Variants in AFF3 observed in about 807,000 individuals in gnomAD.
AFF3 encodes the protein ALF transcription elongation factor 3.
A neutral mutation model predicts 129.7 loss-of-function variants in AFF3; 32 were observed. The observed-to-expected ratio is 0.25, with a 90% CI of 0.19 to 0.33. The LOEUF (loss-of-function observed/expected upper bound fraction) is 0.33, where lower values mean the gene tolerates loss of function less well. Among genes scored for constraint, AFF3 ranks in the 10% least tolerant of loss-of-function variants. The pLI is 1.00. For missense variants in AFF3, 1,373 were observed against 1,592.0 expected (o/e 0.86, Z 2.34); for synonymous variants, 644 against 635.4 (o/e 1.01, Z -0.20).
chr2:99,744,230 A>G, intron 9 of AFF3, 90 bp from the exon 10 acceptor site: 3 of 1,135,918 alleles, frequency 2.6e-6, no homozygotes, highest in Admixed American at 2.1e-5. Context: ...CTGGTCATTC[A>G]GAACCGATTC....
chr2:99,863,022 G>A (rs960558252), intron 7 of AFF3, among the ~76,000 whole-genome samples: 1 of 152,260 alleles, frequency 6.6e-6, no homozygotes, highest in Non-Finnish European at 1.5e-5. Context: ...CTCAGTGGAT[G>A]TGTTTCCTGC....
chr2:99,605,491 C>T (rs1420752824), intron 13 of AFF3, among the ~76,000 whole-genome samples: 1 of 152,196 alleles, frequency 6.6e-6, no homozygotes, highest in Non-Finnish European at 1.5e-5. Context: ...CTAACCCATC[C>T]TTGCATGGGG....
chr2:99,565,504 T>C lies in AFF3; in HGVS notation c.3102A>G (p.Glu1034=), dbSNP rs1430422902. 6.2e-7 allele frequency: 1 copy of C among 1,614,096 alleles called. No individual in the cohort carries two copies. The highest frequency in any genetic ancestry group is 2.2e-5 in the East Asian group (1 of 44,896). The change falls in exon 20 of 25, where the codon GAA becomes GAG. Residue 1034 remains glutamate, a synonymous_variant. Coordinates refer to ENST00000672756, the MANE Select transcript of AFF3 (RefSeq NM_001386135.1). ...GTGCTTACCTGATGAGCTCTACTGT[T>C]TCTGAATACATCGTATAAGGAGATT... The part of the protein sequence containing the change: ...ESKSPYTMYS[E]TVELIRYAMR...
intron 7 of AFF3, among the ~76,000 whole-genome samples, chr2:99,918,206 CTGATTA>C (rs1268652790): frequency 2.0e-5 from 3 of 152,072 alleles, no homozygotes; most frequent in Non-Finnish European, 4.4e-5. Context: ...TGTATATCTT[CTGATTA>C]TAAGAATGGT....
chr2:99,583,627 C>T (rs6756384), intron 16 of AFF3, among the ~76,000 whole-genome samples: 34,342 of 152,060 alleles, frequency 0.23, 4,380 homozygotes, highest in African/African-American at 0.35. Flanking sequence ...CAAGGTGCCT[C>T]GGCCTCCCAA....
intron 12 of AFF3, among the ~76,000 whole-genome samples, chr2:99,661,456 C>T (rs964537835): frequency 2.0e-5 from 3 of 152,180 alleles, no homozygotes; most frequent in African/African-American, 7.2e-5. Context: ...TGTATGTTTG[C>T]CCAAATTTGA....
chr2:99,646,083 C>T (rs1339153108), intron 13 of AFF3, among the ~76,000 whole-genome samples: 3 of 152,190 alleles, frequency 2.0e-5, no homozygotes, highest in Non-Finnish European at 2.9e-5. Flanking sequence ...ATAACAAAAA[C>T]TGGCTTCCTA....
At chr2:99,824,454 C>T (rs576286778) in intron 8 of AFF3, among the ~76,000 whole-genome samples, 5 of 152,258 alleles carry the variant, frequency 3.3e-5, no homozygotes, top group Admixed American at 2.6e-4. Flanking sequence ...AACCACAGAT[C>T]TCTAATTGTT....
chr2:99,712,220 G>T (rs1677961385), intron 11 of AFF3, among the ~76,000 whole-genome samples: 1 of 152,164 alleles, frequency 6.6e-6, no homozygotes, highest in South Asian at 2.1e-4. Context: ...GGTCCTACTG[G>T]AATGCTCTTG....
intron 7 of AFF3, among the ~76,000 whole-genome samples, chr2:99,889,520 A>AT (rs1693381935): frequency 6.6e-6 from 1 of 152,258 alleles, no homozygotes; most frequent in African/African-American, 2.4e-5. Context: ...AAGCACCCGC[A>AT]TAACGCCTTC....
chr2:99,603,494 A>G (rs1275477642), intron 13 of AFF3, among the ~76,000 whole-genome samples: 1 of 152,246 alleles, frequency 6.6e-6, no homozygotes, highest in Non-Finnish European at 1.5e-5. Flanking sequence ...GATAGATTAT[A>G]GACTTAAATT....
intron 13 of AFF3, among the ~76,000 whole-genome samples, chr2:99,642,686 T>C (rs1423700453): frequency 1.3e-5 from 2 of 152,168 alleles, no homozygotes; most frequent in African/African-American, 4.8e-5. Flanking sequence ...AAACCTCCTA[T>C]CTCCGACCCC....
intron 7 of AFF3, among the ~76,000 whole-genome samples, chr2:99,969,617 T>TTGCCTC (rs1336725526): frequency 6.6e-6 from 1 of 152,146 alleles, no homozygotes; most frequent in Non-Finnish European, 1.5e-5. Flanking sequence ...GCCTCCCTAG[T>TTGCCTC]AGCTTGGATT....
intron 8 of AFF3, among the ~76,000 whole-genome samples, chr2:99,755,295 T>C (rs963330230): frequency 8.0e-5 from 12 of 150,454 alleles, no homozygotes; most frequent in African/African-American, 2.9e-4. Context: ...TGAGCTGGAG[T>C]TTTGCTCTTG....
intron 2 of AFF3, among the ~76,000 whole-genome samples, chr2:100,114,019 T>G (rs1280558676): frequency 1.3e-5 from 2 of 152,044 alleles, no homozygotes; most frequent in African/African-American, 4.8e-5. Context: ...TGTAAAAACA[T>G]TTTCAAGTAA....
chr2:99,866,021 C>G (rs1433538520), intron 7 of AFF3, among the ~76,000 whole-genome samples: 12 of 152,206 alleles, frequency 7.9e-5, no homozygotes, highest in Non-Finnish European at 2.9e-5. Flanking sequence ...TTTCGCAATA[C>G]TCAAGCTTTC....
chr2:99,625,525 C>A lies in AFF3; in HGVS notation c.1185-23904G>T, dbSNP rs558191085. Among the ~76,000 whole-genome samples the A allele has an allele frequency of 3.3e-5, 5 of 152,246 alleles. No individual in the cohort carries two copies. In the East Asian group the frequency reaches 9.7e-4, roughly 29 times the overall value. ...GATTACTTAAGGAAGATAAATGACA[C>A]CTGGAAACAGCATCAACATTAAACC... On this transcript the variant is annotated intron_variant, in intron 13 of 24. Transcript: ENST00000672756.
intron 7 of AFF3, among the ~76,000 whole-genome samples, chr2:99,888,982 C>T (rs1184224491): frequency 6.6e-6 from 1 of 152,168 alleles, no homozygotes; most frequent in African/African-American, 2.4e-5. Context: ...ATTAATTTGA[C>T]TGCCATAAAA....
chr2:100,019,834 G>A (rs1342010345), intron 4 of AFF3, among the ~76,000 whole-genome samples: 1 of 151,958 alleles, frequency 6.6e-6, no homozygotes, highest in Non-Finnish European at 1.5e-5. Flanking sequence ...TCTGGGGGGA[G>A]CCCTTTCTCC....
Sources: gnomAD v4.1 joint callset for allele counts (sites outside exome capture counted in the v4.1 genomes callset) on GRCh38, gnomAD v4.1.1 for gene constraint, MANE v1.5 for transcripts, NCBI Gene and HGNC (gene_info 2026-07-23, HGNC 2026-07-21) for gene names.